CAMSAP2: variants seen among roughly 807,000 people sequenced by gnomAD.
CAMSAP2 encodes calmodulin-regulated spectrin-associated protein 2.
Under a neutral mutation model 146.1 loss-of-function variants are expected in CAMSAP2, and 26 were observed. That is an observed-to-expected ratio of 0.18 (90% CI 0.13 to 0.25). The LOEUF (loss-of-function observed/expected upper bound fraction) is 0.25, where lower values mean the gene tolerates loss of function less well. CAMSAP2 is among the 10% of genes least tolerant of loss of function. The probability of loss-of-function intolerance (pLI) is 1.00; values close to 1 mark genes in which losing one functional copy is unlikely to be tolerated. For synonymous variants in CAMSAP2, 499 were observed against 596.6 expected (o/e 0.84, Z 2.38); for missense variants, 1,381 against 1,759.3 (o/e 0.78, Z 3.85).
At position 200,748,964 on chromosome 1, in the gene CAMSAP2, C is replaced by T. The variant is rs939793921; in HGVS notation, c.139+8998C>T. Among the ~76,000 whole-genome samples, 5 of 152,054 alleles carry T rather than the reference C, an allele frequency of 3.3e-5. No individual in the cohort carries two copies. In the East Asian group the frequency reaches 9.6e-4, roughly 29 times the overall value. On this transcript the variant is annotated intron_variant, in intron 1 of 16. Coordinates refer to ENST00000358823, the MANE Select transcript of CAMSAP2 (RefSeq NM_203459.4). ...TGGTAGCCTCTAAGTGCGTGCCATA[C>T]AAAAACTAGCCTAGAGGTCACAGAA... is the stretch of plus-strand genomic sequence containing the variant.
intron 2 of CAMSAP2, among the ~76,000 whole-genome samples, chr1:200,771,055 G>T (rs1665102423): frequency 6.6e-6 from 1 of 152,044 alleles, no homozygotes. Context: ...ATTGATTCCG[G>T]AAAGACTAAC....
At chr1:200,755,090 A>G (rs1029479885) in intron 1 of CAMSAP2, among the ~76,000 whole-genome samples, 1 of 152,150 alleles carries the variant, frequency 6.6e-6, no homozygotes, top group African/African-American at 2.4e-5. Flanking sequence ...GGCACATACC[A>G]CAACAAAGAT....
chr1:200,844,093 A>G (rs1204980604), intron 7 of CAMSAP2, among the ~76,000 whole-genome samples: 1 of 151,694 alleles, frequency 6.6e-6, no homozygotes, highest in Non-Finnish European at 1.5e-5. Flanking sequence ...GGATGGTCTC[A>G]ATCTCCTGAC....
At position 200,740,016 on chromosome 1, in the gene CAMSAP2, A is replaced by G. The variant is rs377135727; in HGVS notation, c.139+50A>G. 15 of 1,595,124 alleles carry G rather than the reference A, an allele frequency of 9.4e-6. No homozygotes were observed. The African/African-American group carries it at 1.7e-4, about 19-fold the overall frequency. On this transcript the variant is annotated intron_variant, in intron 1 of 16. Transcript: ENST00000358823. ...CCCTCTTCCTCCTGATGTGGTCCAC[A>G]TCTCGGTTTTTGTTCCCGATTCTCG...
intron 1 of CAMSAP2, among the ~76,000 whole-genome samples, chr1:200,741,984 A>G (rs973773659): frequency 6.6e-6 from 1 of 152,206 alleles, no homozygotes; most frequent in African/African-American, 2.4e-5. Flanking sequence ...GGTCTGACTC[A>G]AAAGGGTAAA....
intron 1 of CAMSAP2, among the ~76,000 whole-genome samples, chr1:200,743,801 C>T (rs1664243515): frequency 6.6e-6 from 1 of 151,992 alleles, no homozygotes; most frequent in South Asian, 2.1e-4. Flanking sequence ...ATTAGCTGGG[C>T]ATGGTGGCGA....
intron 2 of CAMSAP2, among the ~76,000 whole-genome samples, chr1:200,785,904 G>A (rs1231459953): frequency 6.6e-6 from 1 of 151,570 alleles, no homozygotes; most frequent in African/African-American, 2.4e-5. Context: ...TGGTCAGGCT[G>A]GTCTCAAACT....
intron 2 of CAMSAP2, among the ~76,000 whole-genome samples, chr1:200,806,080 G>A (rs1666162961): frequency 6.6e-6 from 1 of 152,038 alleles, no homozygotes; most frequent in South Asian, 2.1e-4. Flanking sequence ...AAGCCATAAA[G>A]GAAAACACTG....
intron 8 of CAMSAP2, among the ~76,000 whole-genome samples, chr1:200,845,799 A>G (rs928861519): frequency 2.0e-5 from 3 of 152,212 alleles, no homozygotes; most frequent in African/African-American, 7.2e-5. Context: ...TTACAACAAT[A>G]GAATATTTAT....
chr1:200,745,389 G>T (rs1319061759), intron 1 of CAMSAP2, among the ~76,000 whole-genome samples: 1 of 151,566 alleles, frequency 6.6e-6, no homozygotes, highest in Admixed American at 6.6e-5. Flanking sequence ...GATCTAAAAA[G>T]GTTTTTTTTT....
chr1:200,820,383 G>A (rs1352088435), intron 4 of CAMSAP2, among the ~76,000 whole-genome samples: 1 of 152,122 alleles, frequency 6.6e-6, no homozygotes, highest in Non-Finnish European at 1.5e-5. Context: ...AAAGATACAT[G>A]TTTACTTAAT....
At chr1:200,826,662 A>G (rs1029360825) in intron 4 of CAMSAP2, among the ~76,000 whole-genome samples, 10 of 152,168 alleles carry the variant, frequency 6.6e-5, no homozygotes, top group Non-Finnish European at 1.5e-4. Context: ...GAGAGTATTA[A>G]TGGCAAGTCC....
At chr1:200,805,154 A>G (rs972545709) in intron 2 of CAMSAP2, among the ~76,000 whole-genome samples, 5 of 152,254 alleles carry the variant, frequency 3.3e-5, no homozygotes, top group Non-Finnish European at 7.3e-5. Flanking sequence ...AGACTTAGTA[A>G]GTAGGAGCCA....
Position 200,747,178 on chromosome 1 carries a change from C to T in CAMSAP2, c.139+7212C>T, listed in dbSNP as rs577332489. ...CTTCCCAAAGTGTTGGGATTACCTG[C>T]GTGAGCCACCCCACCCAGCTGACTG... On this transcript the variant is annotated intron_variant, in intron 1 of 16. Coordinates refer to ENST00000358823, the MANE Select transcript of CAMSAP2 (RefSeq NM_203459.4). Among the ~76,000 whole-genome samples the T allele has an allele frequency of 7.9e-5, 12 of 152,216 alleles. No individual in the cohort carries two copies. In the East Asian group the frequency reaches 1.9e-3, roughly 24 times the overall value.
intron 4 of CAMSAP2, among the ~76,000 whole-genome samples, chr1:200,818,880 C>G (rs935842221): frequency 6.6e-6 from 1 of 152,166 alleles, no homozygotes; most frequent in African/African-American, 2.4e-5. Context: ...CTTCAGTCAG[C>G]TTTTCTAGTG....
chr1:200,753,608 CAG>C (rs1210334601), intron 1 of CAMSAP2, among the ~76,000 whole-genome samples: 2 of 152,204 alleles, frequency 1.3e-5, no homozygotes, highest in Non-Finnish European at 2.9e-5. Flanking sequence ...ACAAATTACA[CAG>C]AGTCCTGCCC....
At chr1:200,840,844 C>T (rs1667306773) in intron 6 of CAMSAP2, among the ~76,000 whole-genome samples, 5 of 152,048 alleles carry the variant, frequency 3.3e-5, no homozygotes, top group Admixed American at 1.3e-4. Context: ...ATGCCAAACA[C>T]CCAAAATTTA....
At chr1:200,817,189 C>CATACACACAT (rs1553288787) in intron 4 of CAMSAP2, among the ~76,000 whole-genome samples, 24 of 112,062 alleles carry the variant, frequency 2.1e-4, no homozygotes, top group African/African-American at 3.4e-4. Context: ...CACACACACA[C>CATACACACAT]ATGTGTGTGT....
At chr1:200,847,583 G>A in intron 9 of CAMSAP2, 57 bp from the exon 10 acceptor site, 1 of 1,329,262 alleles carries the variant, frequency 7.5e-7, no homozygotes, top group Non-Finnish European at 1.1e-6. Flanking sequence ...CTCCTAAGTT[G>A]CTATAAGTTA....
Sources: allele counts gnomAD v4.1 joint callset (sites outside exome capture counted in the v4.1 genomes callset), GRCh38; gene constraint gnomAD v4.1.1; transcripts MANE v1.5; gene names NCBI Gene and HGNC (gene_info 2026-07-23, HGNC 2026-07-21).